ARHGAP39: variants seen among roughly 807,000 people sequenced by gnomAD.
The protein encoded by ARHGAP39 is rho GTPase-activating protein 39.
A neutral mutation model predicts 106.9 loss-of-function variants in ARHGAP39; 44 were observed. The ratio of observed to expected loss-of-function variants is 0.41; its 90% CI spans 0.32 to 0.53. The LOEUF (loss-of-function observed/expected upper bound fraction) is 0.53, where lower values mean the gene tolerates loss of function less well. Among genes scored for constraint, ARHGAP39 ranks in the 20% least tolerant of loss-of-function variants. The probability of loss-of-function intolerance (pLI) is 0.21; values close to 1 mark genes in which losing one functional copy is unlikely to be tolerated. For synonymous variants in ARHGAP39, 768 were observed against 693.2 expected, an observed-to-expected ratio of 1.11 and a Z score of -1.69; for missense variants, 1,496 against 1,577.3, an observed-to-expected ratio of 0.95 and a Z score of 0.87.
At chr8:144,693,343 G>A in the ARHGAP39 span, among the ~76,000 whole-genome samples, 4 of 151,726 alleles carry the variant, frequency 2.6e-5, no homozygotes, top group African/African-American at 7.3e-5. Flanking sequence ...GATTACAGGC[G>A]TGAGCCACCG....
Position 144,545,571 on chromosome 8 carries a change from C to T in ARHGAP39, c.2199G>A (p.Val733=), listed in dbSNP as rs761979944. ...CCTTCTTCACGTGCCGGTCGCTTGT[C>T]ACGATCATGGGCTTCTTGATGGACT... The part of the protein sequence containing the change: ...SSESIKKPMI[V]TSDRHVKKEA... The change falls in exon 6 of 12, where the codon GTG becomes GTA. Residue 733 remains valine, a synonymous_variant. Coordinates refer to ENST00000377307, the MANE Select transcript of ARHGAP39 (RefSeq NM_025251.3). The T allele has an allele frequency of 6.2e-7, 1 of 1,613,818 alleles. No individual in the cohort carries two copies. Among genetic ancestry groups the T allele is most frequent in the Non-Finnish European group, 8.5e-7 (1 of 1,180,028 alleles).
At chr8:144,568,333 C>CA (rs34670018) in intron 3 of ARHGAP39, among the ~76,000 whole-genome samples, 23,602 of 47,362 alleles carry the variant, frequency 0.5, 8,148 homozygotes, top group African/African-American at 0.57. Flanking sequence ...GACTCTGTCT[C>CA]AAAAAAAAAA....
chr8:144,618,074 G>T (rs1158874870), intron 1 of ARHGAP39, among the ~76,000 whole-genome samples: 1 of 152,126 alleles, frequency 6.6e-6, no homozygotes, highest in African/African-American at 2.4e-5. Flanking sequence ...GAGCCACCAC[G>T]CCTGGCCTAA....
At chr8:144,536,559 G>C (rs560647375) in intron 7 of ARHGAP39, among the ~76,000 whole-genome samples, 1 of 152,222 alleles carries the variant, frequency 6.6e-6, no homozygotes, top group East Asian at 1.9e-4. Flanking sequence ...CGCTGCCCCA[G>C]ATGGAGTGGT....
At chr8:144,580,758 G>GGGGGGGGGGC in intron 3 of ARHGAP39, 88 bp downstream of exon 3, 1 of 185,576 alleles carries the variant, frequency 5.4e-6, no homozygotes, top group Non-Finnish European at 1.1e-5. Context: ...CTCTCACCTG[G>GGGGGGGGGGC]CCCCGCCCAC....
rs1563704158 is a variant in ARHGAP39 at position 144,605,655 on chromosome 8, A to G, written c.-41T>C. 2 of 1,596,884 alleles carry G rather than the reference A, an allele frequency of 1.3e-6. No homozygotes were observed. The highest frequency in any genetic ancestry group is 2.2e-5 in the South Asian group (2 of 90,812). On this transcript the variant is annotated 5_prime_UTR_variant, in exon 2 of 12. Coordinates refer to ENST00000377307, the MANE Select transcript of ARHGAP39 (RefSeq NM_025251.3). The stretch of plus-strand genomic sequence containing the variant: ...CGCCCACGTGGACAGACGTCAGGGC[A>G]CCATACGCACAACGCCAGCATCAGA...
intron 1 of ARHGAP39, among the ~76,000 whole-genome samples, chr8:144,609,528 A>C (rs937555245): frequency 6.6e-6 from 1 of 151,504 alleles, no homozygotes; most frequent in Non-Finnish European, 1.5e-5. Context: ...CAGCCTCCCA[A>C]GTAGGTGGGA....
In ARHGAP39 at chr8:144,590,174, G is replaced by A. The variant is rs561490797; in HGVS notation, c.81-8897C>T. The stretch of plus-strand genomic sequence containing the variant: ...TGACAGAAGATGCCATCGACACTGC[G>A]GTTGGGGCAGGGCCATCTCCGGAAG... On this transcript the variant is annotated intron_variant, in intron 2 of 11. Coordinates refer to ENST00000377307, the MANE Select transcript of ARHGAP39 (RefSeq NM_025251.3). Among the ~76,000 whole-genome samples, 277 of 152,346 alleles carry A rather than the reference G, an allele frequency of 1.8e-3. 1 individual carries two copies. Among genetic ancestry groups the A allele is most frequent in the Middle Eastern group, 0.014 (4 of 294 alleles).
intron 1 of ARHGAP39, among the ~76,000 whole-genome samples, chr8:144,611,310 T>C (rs192564454): frequency 2.0e-5 from 3 of 152,360 alleles, no homozygotes; most frequent in Admixed American, 2.0e-4. Context: ...TCTATCCTGG[T>C]AAATGTCCCG....
In ARHGAP39 at chr8:144,647,862, C is replaced by T. The variant is rs1355941188; in HGVS notation, c.-82+37824G>A. On this transcript the variant is annotated intron_variant, in intron 1 of 11. Coordinates refer to ENST00000377307, the MANE Select transcript of ARHGAP39 (RefSeq NM_025251.3). The surrounding 1 kb of genome is among the most constrained non-coding windows in gnomAD (Gnocchi z 4.8). ...GTGCACCCATGTGCCAAGTACTGTACATAAAATAAGTCCATATCCAGACTC... is the reference window on the plus strand; with the variant it reads ...GTGCACCCATGTGCCAAGTACTGTATATAAAATAAGTCCATATCCAGACTC... Among the ~76,000 whole-genome samples the T allele has an allele frequency of 2.0e-5, 3 of 152,206 alleles. No individual in the cohort carries two copies. The highest frequency in any genetic ancestry group is 7.2e-5 in the African/African-American group (3 of 41,460).
At chr8:144,619,475 T>C (rs1462477231) in intron 1 of ARHGAP39, among the ~76,000 whole-genome samples, 1 of 151,350 alleles carries the variant, frequency 6.6e-6, no homozygotes, top group African/African-American at 2.4e-5. Flanking sequence ...AGCTCGTGTG[T>C]CCCTGAGAGA....
Position 144,530,471 on chromosome 8 carries a change from C to G in ARHGAP39, c.3296G>C (p.Arg1099Pro). Residue 1099 changes from arginine to proline, a missense_variant, in exon 12 of 12, where the codon CGG becomes CCG. Arg to Pro is a moderately radical substitution (Grantham distance 103, BLOSUM62 -2). Around this residue, in one of 4 missense-constraint regions of ARHGAP39, gnomAD observed 470 missense variants for 605.1 expected, o/e 0.78. Coordinates refer to ENST00000377307, the MANE Select transcript of ARHGAP39 (RefSeq NM_025251.3). ...ENTRKEMSFL[R>P]VLIQHLDTSF... ...GGTGTCCAGGTGCTGGATGAGCACC[C>G]GCAGGAAGGACATCTCCTTGCGGGT... 6.2e-7 allele frequency: 1 copy of G among 1,611,236 alleles called. No individual in the cohort carries two copies.
chr8:144,549,510 T>C (rs550443755), intron 4 of ARHGAP39, among the ~76,000 whole-genome samples: 1 of 152,346 alleles, frequency 6.6e-6, no homozygotes, highest in African/African-American at 2.4e-5. Context: ...TTTTGTTTTT[T>C]TGAGACGGAG....
rs530200363 is a variant in ARHGAP39 at position 144,574,587 on chromosome 8, T to C, written c.512+6259A>G. On this transcript the variant is annotated intron_variant, in intron 3 of 11. Transcript: ENST00000377307. ...TACTCGGGAGGCTGAGGCAGGAGAA[T>C]GGCGTGAACCCAGGAGGCGGAGCTT... 2.2e-3 allele frequency among the ~76,000 whole-genome samples: 332 copies of C among 152,266 alleles called. 1 individual carries two copies. The highest frequency in any genetic ancestry group is 7.3e-3 in the African/African-American group (304 of 41,552).
chr8:144,566,043 G>A (rs1818383617), intron 3 of ARHGAP39, among the ~76,000 whole-genome samples: 1 of 151,774 alleles, frequency 6.6e-6, no homozygotes, highest in Non-Finnish European at 1.5e-5. Context: ...GCCATCATCT[G>A]TGATTGCGCC....
intron 1 of ARHGAP39, among the ~76,000 whole-genome samples, chr8:144,663,937 C>T (rs1821897460): frequency 6.6e-6 from 1 of 152,164 alleles, no homozygotes; most frequent in African/African-American, 2.4e-5. Context: ...GTGGCTGAGA[C>T]AGGCGGATCA....
chr8:144,664,540 G>C (rs1821911313), intron 1 of ARHGAP39, among the ~76,000 whole-genome samples: 1 of 152,202 alleles, frequency 6.6e-6, no homozygotes, highest in South Asian at 2.1e-4. Flanking sequence ...ATGGTTATGT[G>C]GTTTGGCTGT....
intron 4 of ARHGAP39, among the ~76,000 whole-genome samples, chr8:144,550,632 G>C (rs143027482): frequency 6.6e-6 from 1 of 152,370 alleles, no homozygotes; most frequent in Non-Finnish European, 1.5e-5. Flanking sequence ...GGCCCTCTCA[G>C]CACGGCCACA....
intron 1 of ARHGAP39, among the ~76,000 whole-genome samples, chr8:144,631,666 C>T (rs568592629): frequency 6.6e-6 from 1 of 152,306 alleles, no homozygotes; most frequent in African/African-American, 2.4e-5. Flanking sequence ...TGTCGGGGTC[C>T]CTGGTGTAAG....
Sources: gnomAD v4.1 joint callset for allele counts (sites outside exome capture counted in the v4.1 genomes callset) on GRCh38, gnomAD v4.1.1 for gene constraint, gnomAD v4.1.1 regional missense constraint, Gnocchi (gnomAD v3.1) non-coding constraint, MANE v1.5 for transcripts, NCBI Gene and HGNC (gene_info 2026-07-23, HGNC 2026-07-21) for gene names.